The following KCNK10 variants were observed in gnomAD, a reference collection of about 807,000 sequenced individuals.
The protein encoded by KCNK10 is potassium channel subfamily K member 10.
A neutral mutation model predicts 47.7 loss-of-function variants in KCNK10; 25 were observed. The ratio of observed to expected loss-of-function variants is 0.52; its 90% confidence interval spans 0.38 to 0.73. The LOEUF is 0.73. Among genes scored for constraint, KCNK10 ranks in the 30% least tolerant of loss-of-function variants. KCNK10 has a pLI of 0.00. For missense variants in KCNK10, 563 were observed against 714.5 expected, an observed-to-expected ratio of 0.79 and a Z score of 2.42; for synonymous variants, 303 against 285.6, an observed-to-expected ratio of 1.06 and a Z score of -0.61.
chr14:88,293,783 C>A (rs963832952), intron 1 of KCNK10, among the ~76,000 whole-genome samples: 4 of 151,970 alleles, frequency 2.6e-5, no homozygotes, highest in African/African-American at 9.7e-5. Context: ...TGAAGCGATC[C>A]TCCTACCTCA....
upstream of KCNK10, chr14:88,326,415 T>C (rs755842119): frequency 5.6e-6 from 9 of 1,612,918 alleles, no homozygotes; most frequent in Admixed American, 1.5e-4. Context: ...TGGACTTCAC[T>C]TACCCAAGGA....
intron 4 of KCNK10, among the ~76,000 whole-genome samples, chr14:88,202,819 C>A (rs758057203): frequency 7.9e-5 from 12 of 152,154 alleles, no homozygotes; most frequent in Non-Finnish European, 1.6e-4. Flanking sequence ...AGCAAAACGT[C>A]CAGTCTGGAG....
At chr14:88,197,220 A>C (rs1408124558) in intron 4 of KCNK10, among the ~76,000 whole-genome samples, 1 of 152,240 alleles carries the variant, frequency 6.6e-6, no homozygotes, top group African/African-American at 2.4e-5. Flanking sequence ...ATGTTGGTAT[A>C]TATGGGTAAA....
chr14:88,194,470 A>G (rs1469490047), intron 4 of KCNK10, among the ~76,000 whole-genome samples: 2 of 152,248 alleles, frequency 1.3e-5, no homozygotes, highest in Non-Finnish European at 1.5e-5. Context: ...CCTCAAATGC[A>G]TAGTGAAGTT....
intron 3 of KCNK10, among the ~76,000 whole-genome samples, chr14:88,236,307 A>G (rs1344796284): frequency 8.4e-6 from 1 of 118,398 alleles, no homozygotes; most frequent in Non-Finnish European, 1.8e-5. Flanking sequence ...ACAGAGCAAG[A>G]CCCAGTCTCA....
chr14:88,285,794 T>C (rs1162772069), intron 1 of KCNK10, among the ~76,000 whole-genome samples: 2 of 152,320 alleles, frequency 1.3e-5, no homozygotes, highest in East Asian at 3.9e-4. Flanking sequence ...CCTGGAAGAC[T>C]GTATTTACCA....
intron 3 of KCNK10, 115 bp from the exon 4 acceptor site, chr14:88,227,650 G>T: frequency 1.2e-6 from 1 of 847,280 alleles, no homozygotes; most frequent in Non-Finnish European, 1.8e-6. Context: ...GCTTCAGGGA[G>T]TAGAACTTCA....
At chr14:88,208,430 A>G (rs1885350840) in intron 4 of KCNK10, among the ~76,000 whole-genome samples, 1 of 152,204 alleles carries the variant, frequency 6.6e-6, no homozygotes, top group South Asian at 2.1e-4. Flanking sequence ...GGGTAGATAA[A>G]AGAGAGAGAC....
At chr14:88,252,710 G>A (rs937708253) in intron 2 of KCNK10, among the ~76,000 whole-genome samples, 1 of 152,172 alleles carries the variant, frequency 6.6e-6, no homozygotes, top group African/African-American at 2.4e-5. Flanking sequence ...AAACATGGTA[G>A]AGTCAGGCCC....
intron 4 of KCNK10, among the ~76,000 whole-genome samples, chr14:88,195,799 G>C (rs1296900423): frequency 2.0e-5 from 3 of 152,178 alleles, no homozygotes; most frequent in Non-Finnish European, 4.4e-5. Context: ...TCAGGAACCA[G>C]CTGCAGAGGG....
At chr14:88,326,408 A>G, upstream of KCNK10, 1 of 1,611,590 alleles carries the variant, frequency 6.2e-7, no homozygotes, top group Non-Finnish European at 8.5e-7. Flanking sequence ...TACAAGCTGG[A>G]CTTCACTTAC....
chr14:88,323,218 G>GCACACACTCCCGCA lies in KCNK10; in HGVS notation c.-434_-421dup. On this transcript the variant is annotated 5_prime_UTR_variant, in exon 1 of 7. Transcript: ENST00000319231. ...CACTCCAGCCCCCGAAGGCGTGTGCGCACACACTCCCGCACACACACACCC... is the reference window on the plus strand; with the variant it reads ...CACTCCAGCCCCCGAAGGCGTGTGCGCACACACTCCCGCACACACACTCCCGCACACACACACCC... The GCACACACTCCCGCA allele has an allele frequency of 1.9e-6, 2 of 1,028,848 alleles. No individual in the cohort carries two copies. Among genetic ancestry groups the GCACACACTCCCGCA allele is most frequent in the Non-Finnish European group, 2.3e-6 (2 of 856,158 alleles). 63.7% of individuals were successfully genotyped at this position (1,028,848 alleles called of 1,614,324 possible).
chr14:88,239,702 T>C (rs148914526), intron 3 of KCNK10, among the ~76,000 whole-genome samples: 1,850 of 151,702 alleles, frequency 0.012, 41 homozygotes, highest in African/African-American at 0.042. Context: ...CTACTAAAAA[T>C]ACAAAAATTA....
chr14:88,323,024 CG>C lies in KCNK10; in HGVS notation c.-227del, dbSNP rs1232390875. 3 of 1,345,550 alleles carry C rather than the reference CG, an allele frequency of 2.2e-6. No homozygotes were observed. The African/African-American group carries it at 4.4e-5, about 20-fold the overall frequency. The allele number at this position is 1,345,550 out of a possible 1,614,324, so 83.4% of individuals were successfully genotyped here. On this transcript the variant is annotated 5_prime_UTR_variant, in exon 1 of 7. Coordinates refer to ENST00000319231, the MANE Select transcript of KCNK10 (RefSeq NM_138317.3). ...TTGCACCGGCCAGGGGGTGGCCGGC[CG>C]CGGCCCCGTGGGTAAAAGAAAAAGT...
At chr14:88,257,722 G>A (rs1886996442) in intron 2 of KCNK10, among the ~76,000 whole-genome samples, 1 of 152,202 alleles carries the variant, frequency 6.6e-6, no homozygotes, top group Non-Finnish European at 1.5e-5. Context: ...AACAGCTGTG[G>A]GGACTGAAGG....
At chr14:88,227,042 A>G (rs1429339997) in intron 4 of KCNK10, among the ~76,000 whole-genome samples, 1 of 152,238 alleles carries the variant, frequency 6.6e-6, no homozygotes, top group Non-Finnish European at 1.5e-5. Flanking sequence ...AGTTTTCTAC[A>G]TCATTACAAA....
intron 4 of KCNK10, among the ~76,000 whole-genome samples, chr14:88,200,804 GA>G (rs1354948898): frequency 6.6e-6 from 1 of 152,178 alleles, no homozygotes; most frequent in Non-Finnish European, 1.5e-5. Context: ...CAGTCTCACA[GA>G]GCTAGTAGGA....
chr14:88,296,990 T>C (rs992610468), intron 1 of KCNK10, among the ~76,000 whole-genome samples: 1 of 152,236 alleles, frequency 6.6e-6, no homozygotes, highest in African/African-American at 2.4e-5. Flanking sequence ...AGACACATTC[T>C]GATTTCAGAA....
At chr14:88,280,533 C>A (rs181817681) in intron 1 of KCNK10, among the ~76,000 whole-genome samples, 105 of 152,236 alleles carry the variant, frequency 6.9e-4, no homozygotes, top group African/African-American at 2.5e-3. Context: ...TATTGAGTTT[C>A]ATTTGGATAC....
Sources: gnomAD v4.1 joint callset for allele counts (sites outside exome capture counted in the v4.1 genomes callset) on GRCh38, gnomAD v4.1.1 for gene constraint, MANE v1.5 for transcripts, NCBI Gene and HGNC (gene_info 2026-07-23, HGNC 2026-07-21) for gene names.